The following BCR variants were observed in gnomAD, a reference collection of about 807,000 sequenced individuals.
BCR encodes the protein breakpoint cluster region protein.
In BCR, 58 loss-of-function variants were observed where a neutral mutation model predicts 138.6. The observed-to-expected ratio is 0.42, with a 90% CI of 0.34 to 0.52. The LOEUF is 0.52. Among genes scored for constraint, BCR ranks in the 20% least tolerant of loss-of-function variants. The pLI, the probability that BCR is intolerant of heterozygous loss-of-function variation, is 0.06. For missense variants in BCR, 1,599 were observed against 1,727.2 expected (o/e 0.93, Z 1.32); for synonymous variants, 786 against 730.1 (o/e 1.08, Z -1.23).
intron 16 of BCR, among the ~76,000 whole-genome samples, chr22:23,305,673 C>T (rs1298103553): frequency 6.6e-6 from 1 of 152,186 alleles, no homozygotes; most frequent in Admixed American, 6.5e-5. Flanking sequence ...CACCATCTGC[C>T]AGGCCCGCTG....
At chr22:23,262,930 AG>A (rs2073384091) in intron 4 of BCR, 1 of 1,102,702 alleles carries the variant, frequency 9.1e-7, no homozygotes, top group Admixed American at 4.6e-5. Context: ...GAGGAAGCAG[AG>A]GGAGGCGGAA....
chr22:23,249,508 G>A (rs1286105530), intron 1 of BCR, among the ~76,000 whole-genome samples: 1 of 152,036 alleles, frequency 6.6e-6, no homozygotes. Context: ...GATCCCTTGA[G>A]CCCAGGAGTT....
In BCR at chr22:23,288,737, G is replaced by A. The variant is rs1042457075; in HGVS notation, c.2602+565G>A. Among the ~76,000 whole-genome samples, 7 of 152,202 alleles carry A rather than the reference G, an allele frequency of 4.6e-5. No individual in the cohort carries two copies. The East Asian group carries it at 9.6e-4, about 21-fold the overall frequency. On this transcript the variant is annotated intron_variant, in intron 12 of 22. Transcript: ENST00000305877. Reference sequence around the variant, plus strand: ...GGTTGCCCGCTCTCAGCTCAGGGGCGCTCCCTCCTGTCTGGGGCAGCCCCT... The same window carrying A: ...GGTTGCCCGCTCTCAGCTCAGGGGCACTCCCTCCTGTCTGGGGCAGCCCCT...
At position 23,252,427 on chromosome 22, in the gene BCR, C is replaced by CTTTTTTTTTTTTTTTT. The variant is rs371986661; in HGVS notation, c.1280-1368_1280-1367insTTTTTTTTTTTTTTTT. 3.1e-4 allele frequency among the ~76,000 whole-genome samples: 37 copies of CTTTTTTTTTTTTTTTT among 119,506 alleles called. 8 individuals carry two copies. Among genetic ancestry groups the CTTTTTTTTTTTTTTTT allele is most frequent in the East Asian group, 1.5e-3 (6 of 4,136 alleles). 78.4% of individuals were successfully genotyped at this position (119,506 alleles called of 152,430 possible). A position where few individuals can be genotyped will look rare whatever the true frequency, so the allele number is the denominator to read the frequency against. ...TTGGGTTTCCCTTTCTTTTTCTTTT[C>CTTTTTTTTTTTTTTTT]TTTTCTTTTTTTTTTTTTTTTGAGA... On this transcript the variant is annotated intron_variant, in intron 1 of 22. Coordinates refer to ENST00000305877, the MANE Select transcript of BCR (RefSeq NM_004327.4).
At chr22:23,288,258 T>C (rs2073740693) in intron 12 of BCR, 86 bp downstream of exon 12, 1 of 1,339,984 alleles carries the variant, frequency 7.5e-7, no homozygotes, top group African/African-American at 1.4e-5. Context: ...CCTTCTTTTT[T>C]ATTTCGAGGG....
intron 1 of BCR, among the ~76,000 whole-genome samples, chr22:23,223,967 G>A (rs544576336): frequency 4.6e-5 from 7 of 152,286 alleles, no homozygotes; most frequent in Admixed American, 1.3e-4. Flanking sequence ...CCAGGACCCC[G>A]TGTAGGACAC....
intron 6 of BCR, among the ~76,000 whole-genome samples, chr22:23,271,928 T>G (rs534647843): frequency 1.3e-5 from 2 of 151,950 alleles, no homozygotes; most frequent in African/African-American, 4.8e-5. Context: ...CGGGTTCAAG[T>G]GATCCTCCTG....
intron 1 of BCR, among the ~76,000 whole-genome samples, chr22:23,242,584 G>T (rs1389426677): frequency 6.6e-6 from 1 of 152,156 alleles, no homozygotes; most frequent in Non-Finnish European, 1.5e-5. Context: ...TCCCTCCATG[G>T]GGCGTCTTTG....
chr22:23,182,270 A>G, intron 1 of BCR, 31 bp downstream of exon 1: 1 of 1,507,824 alleles, frequency 6.6e-7, no homozygotes, highest in South Asian at 1.2e-5. Flanking sequence ...GCGTGGGCAC[A>G]CCTGCACGGG....
At chr22:23,194,687 C>A (rs974407872) in intron 1 of BCR, among the ~76,000 whole-genome samples, 1 of 151,772 alleles carries the variant, frequency 6.6e-6, no homozygotes, top group African/African-American at 2.4e-5. Flanking sequence ...GCTGGGATTA[C>A]AGGCATGAGC....
At chr22:23,217,513 A>G (rs1453536992) in intron 1 of BCR, among the ~76,000 whole-genome samples, 3 of 152,140 alleles carry the variant, frequency 2.0e-5, no homozygotes, top group Non-Finnish European at 1.5e-5. Flanking sequence ...CCTCCTCTGT[A>G]AGGTAGGCGT....
chr22:23,210,096 A>G (rs1228163002), intron 1 of BCR, among the ~76,000 whole-genome samples: 3 of 152,214 alleles, frequency 2.0e-5, no homozygotes, highest in African/African-American at 4.8e-5. Context: ...ACAAAAATAC[A>G]TATCTTGTGA....
intron 16 of BCR, among the ~76,000 whole-genome samples, chr22:23,298,861 G>A (rs1011460795): frequency 6.6e-6 from 1 of 152,350 alleles, no homozygotes; most frequent in South Asian, 2.1e-4. Flanking sequence ...GCCTCCCAAA[G>A]TGCTGGGATT....
At chr22:23,270,430 C>T (rs1170968513) in intron 5 of BCR, among the ~76,000 whole-genome samples, 1 of 152,216 alleles carries the variant, frequency 6.6e-6, no homozygotes, top group Non-Finnish European at 1.5e-5. Flanking sequence ...CCAAGCATCA[C>T]ACTGTCCACG....
At chr22:23,232,528 G>T (rs998675458) in intron 1 of BCR, among the ~76,000 whole-genome samples, 1 of 152,182 alleles carries the variant, frequency 6.6e-6, no homozygotes, top group Admixed American at 6.5e-5. Context: ...GTTGGAGACA[G>T]GACCCAGAGC....
At chr22:23,263,450 G>C in intron 4 of BCR, 2 of 1,412,126 alleles carry the variant, frequency 1.4e-6, no homozygotes, top group South Asian at 2.3e-5. Context: ...GCCGAGAGGG[G>C]ATTCTGCTGA....
chr22:23,246,808 T>C (rs2073162651), intron 1 of BCR, among the ~76,000 whole-genome samples: 1 of 152,182 alleles, frequency 6.6e-6, no homozygotes, highest in Non-Finnish European at 1.5e-5. Flanking sequence ...TCTTTTTTGC[T>C]GTCAGAGGAA....
At chr22:23,227,416 C>T (rs2072907746) in intron 1 of BCR, among the ~76,000 whole-genome samples, 1 of 152,186 alleles carries the variant, frequency 6.6e-6, no homozygotes, top group African/African-American at 2.4e-5. Context: ...CAGCCCTCTG[C>T]ACAGGTAATG....
At chr22:23,309,395 C>G (rs565165577) in intron 16 of BCR, 29 bp from the exon 17 acceptor site, 3 of 1,551,834 alleles carry the variant, frequency 1.9e-6, no homozygotes, top group Non-Finnish European at 2.6e-6. Context: ...ACCCCAGGGC[C>G]TCTGCCAATC....
Sources: allele counts gnomAD v4.1 joint callset (sites outside exome capture counted in the v4.1 genomes callset), GRCh38; gene constraint gnomAD v4.1.1; transcripts MANE v1.5; gene names NCBI Gene and HGNC (gene_info 2026-07-23, HGNC 2026-07-21).